AFG1L: variants seen among roughly 807,000 people sequenced by gnomAD.
AFG1L encodes the protein AFG1-like ATPase.
A neutral mutation model predicts 62.2 loss-of-function variants in AFG1L; 53 were observed. The observed-to-expected ratio is 0.85, with a 90% CI of 0.68 to 1.07. AFG1L has a LOEUF of 1.07. Among genes scored for constraint, AFG1L ranks in the 50% least tolerant of loss-of-function variants. AFG1L has a pLI of 0.00. For missense variants in AFG1L, 555 were observed against 590.5 expected, an observed-to-expected ratio of 0.94 and a Z score of 0.62; for synonymous variants, 228 against 210.3, an observed-to-expected ratio of 1.08 and a Z score of -0.73.
At chr6:108,337,980 G>A (rs1292616727) in intron 2 of AFG1L, among the ~76,000 whole-genome samples, 2 of 152,174 alleles carry the variant, frequency 1.3e-5, no homozygotes, top group African/African-American at 2.4e-5. Context: ...GAGCCCAGGA[G>A]TTTGAAACCA....
chr6:108,352,449 A>G (rs1195028256), intron 3 of AFG1L, among the ~76,000 whole-genome samples: 1 of 152,232 alleles, frequency 6.6e-6, no homozygotes, highest in South Asian at 2.1e-4. Flanking sequence ...GCATTTGCAT[A>G]TAAACTTTGT....
intron 10 of AFG1L, among the ~76,000 whole-genome samples, chr6:108,497,588 C>CT (rs1258399039): frequency 6.6e-6 from 1 of 151,910 alleles, no homozygotes; most frequent in Non-Finnish European, 1.5e-5. Context: ...AATTTACCAA[C>CT]TTTTTCCTTC....
chr6:108,440,497 A>G (rs1194453849), intron 7 of AFG1L, among the ~76,000 whole-genome samples: 1 of 152,162 alleles, frequency 6.6e-6, no homozygotes, highest in Non-Finnish European at 1.5e-5. Context: ...TAAAGAATCA[A>G]GTAAAATGAT....
chr6:108,373,882 G>T (rs1780126765), intron 6 of AFG1L, among the ~76,000 whole-genome samples: 1 of 152,120 alleles, frequency 6.6e-6, no homozygotes, highest in African/African-American at 2.4e-5. Flanking sequence ...CTGGCCGGTA[G>T]TTCTGTTTTA....
chr6:108,342,336 T>C lies in AFG1L; in HGVS notation c.364-4652T>C. On this transcript the variant is annotated intron_variant, in intron 2 of 12. Coordinates refer to ENST00000368977, the MANE Select transcript of AFG1L (RefSeq NM_145315.5). ...GAGAATGACCAGCACCAAGAAACAG[T>C]GTAAGGGTGGAGTTCACTGTGATTT... 1.3e-5 allele frequency among the ~76,000 whole-genome samples: 2 copies of C among 151,826 alleles called. 1 individual carries two copies. The highest frequency in any genetic ancestry group is 3.9e-4 in the East Asian group (2 of 5,184).
chr6:108,451,719 A>T (rs1051702415), intron 8 of AFG1L, among the ~76,000 whole-genome samples: 5 of 150,394 alleles, frequency 3.3e-5, no homozygotes, highest in African/African-American at 1.2e-4. Context: ...TTTTATTTTC[A>T]TTTTTTTTTG....
intron 5 of AFG1L, among the ~76,000 whole-genome samples, chr6:108,364,433 C>T (rs1053057363): frequency 2.0e-5 from 3 of 152,190 alleles, no homozygotes; most frequent in Non-Finnish European, 4.4e-5. Context: ...TAAACCTTTG[C>T]ATTATGTTAC....
intron 2 of AFG1L, among the ~76,000 whole-genome samples, chr6:108,331,919 T>C (rs976287013): frequency 6.6e-6 from 1 of 152,098 alleles, no homozygotes; most frequent in African/African-American, 2.4e-5. Context: ...CTCCTTTCCT[T>C]TTTCTCCTGC....
chr6:108,481,428 T>C (rs1043492871), intron 10 of AFG1L, among the ~76,000 whole-genome samples: 1 of 152,076 alleles, frequency 6.6e-6, no homozygotes, highest in African/African-American at 2.4e-5. Context: ...CTTTTAGGGG[T>C]CCTGGGAATC....
At chr6:108,295,302 C>T in intron 1 of AFG1L, 84 bp downstream of exon 1, 2 of 1,458,400 alleles carry the variant, frequency 1.4e-6, no homozygotes, top group Non-Finnish European at 1.8e-6. Flanking sequence ...TCCGATCTAC[C>T]CCAGGTGTCT....
chr6:108,311,991 A>T (rs892670479), intron 1 of AFG1L, among the ~76,000 whole-genome samples: 9 of 152,004 alleles, frequency 5.9e-5, no homozygotes, highest in Non-Finnish European at 1.2e-4. Context: ...CAGCCTCCCG[A>T]GTAGCTGGGA....
intron 11 of AFG1L, 95 bp downstream of exon 11, chr6:108,510,447 C>T (rs1774602264): frequency 2.3e-6 from 2 of 861,008 alleles, no homozygotes; most frequent in South Asian, 3.5e-5. Flanking sequence ...ACTTCTATCA[C>T]TTACTGCACC....
At chr6:108,407,332 A>G (rs1781901888) in intron 7 of AFG1L, among the ~76,000 whole-genome samples, 2 of 152,068 alleles carry the variant, frequency 1.3e-5, no homozygotes, top group South Asian at 4.2e-4. Context: ...CCTCATTTGT[A>G]TATTTCCATC....
intron 5 of AFG1L, chr6:108,359,801 A>G (rs1490144874): frequency 1.3e-5 from 2 of 152,248 alleles, no homozygotes; most frequent in Non-Finnish European, 2.9e-5. Context: ...TCCAGTTCCC[A>G]TAAGGTGCCA....
Position 108,510,347 on chromosome 6 carries a change from C to A in AFG1L, c.1198C>A (p.Leu400Ile). ...FITLIDNFYDLKVRIICSAST... is the reference protein window; with the variant it reads ...FITLIDNFYDIKVRIICSAST... ...AACTCTCATCGATAACTTTTATGAT[C>A]TCAAGGTAAGGATGTAGTACATTTT... The change falls in exon 11 of 13, where the codon CTC (leucine) becomes ATC (isoleucine). Residue 400 changes from leucine to isoleucine, a missense_variant. By Grantham distance (5) the Leu-to-Ile change is conservative (BLOSUM62 2). Transcript: ENST00000368977. The A allele has an allele frequency of 3.7e-6, 6 of 1,607,288 alleles. No individual in the cohort carries two copies. Among genetic ancestry groups the A allele is most frequent in the Middle Eastern group, 1.7e-4 (1 of 6,028 alleles).
intron 8 of AFG1L, among the ~76,000 whole-genome samples, chr6:108,472,610 T>C (rs1416480368): frequency 6.6e-6 from 1 of 152,152 alleles, no homozygotes; most frequent in African/African-American, 2.4e-5. Flanking sequence ...ATCTTATTAT[T>C]TTACTTTGCA....
At chr6:108,344,967 C>A in intron 2 of AFG1L, 1 of 344,534 alleles carries the variant, frequency 2.9e-6, no homozygotes. Flanking sequence ...GTCCTGGAAG[C>A]AGGCCTCCCT....
At chr6:108,310,180 GA>G (rs1276678480) in intron 1 of AFG1L, among the ~76,000 whole-genome samples, 1 of 152,166 alleles carries the variant, frequency 6.6e-6, no homozygotes, top group Admixed American at 6.5e-5. Context: ...TGACCTGGGG[GA>G]GACGTTATTA....
intron 6 of AFG1L, among the ~76,000 whole-genome samples, chr6:108,384,036 A>G (rs1423684306): frequency 6.6e-6 from 1 of 150,698 alleles, no homozygotes; most frequent in Non-Finnish European, 1.5e-5. Context: ...AATACTCTAC[A>G]CAACTATGTG....
Sources: gnomAD v4.1 joint callset for allele counts (sites outside exome capture counted in the v4.1 genomes callset) on GRCh38, gnomAD v4.1.1 for gene constraint, MANE v1.5 for transcripts, NCBI Gene and HGNC (gene_info 2026-07-23, HGNC 2026-07-21) for gene names.